KAZN: variants seen among roughly 807,000 people sequenced by gnomAD.
The protein encoded by KAZN is kazrin, periplakin interacting protein, also known as kazrin.
Under a neutral mutation model 87.4 loss-of-function variants are expected in KAZN, and 40 were observed. That is an observed-to-expected ratio of 0.46 (90% CI 0.36 to 0.60). The LOEUF (loss-of-function observed/expected upper bound fraction) is 0.60, where lower values mean the gene tolerates loss of function less well. Among genes scored for constraint, KAZN ranks in the 20% least tolerant of loss-of-function variants. The probability of loss-of-function intolerance (pLI) is 0.00; values close to 1 mark genes in which losing one functional copy is unlikely to be tolerated. For synonymous variants in KAZN, 466 were observed against 458.3 expected (o/e 1.02, Z -0.22); for missense variants, 898 against 1,073.9 (o/e 0.84, Z 2.29).
intron 2 of KAZN, among the ~76,000 whole-genome samples, chr1:14,289,637 T>G (rs1018091022): frequency 3.9e-5 from 6 of 152,212 alleles, no homozygotes; most frequent in African/African-American, 1.2e-4. Context: ...TTTATCCAAC[T>G]TGCCAGTCTG....
At chr1:14,318,332 C>T (rs992949383) in intron 2 of KAZN, among the ~76,000 whole-genome samples, 16 of 152,088 alleles carry the variant, frequency 1.1e-4, no homozygotes, top group African/African-American at 3.9e-4. Context: ...CTCTAGAATG[C>T]TATGTTAACT....
At chr1:15,045,256 T>C (rs537099703) in intron 4 of KAZN, among the ~76,000 whole-genome samples, 2 of 152,336 alleles carry the variant, frequency 1.3e-5, no homozygotes, top group East Asian at 3.9e-4. Flanking sequence ...AGAGGATTTG[T>C]CGTCCTGCAG....
At chr1:14,511,045 A>G (rs1267079176) in intron 2 of KAZN, among the ~76,000 whole-genome samples, 1 of 151,544 alleles carries the variant, frequency 6.6e-6, no homozygotes, top group Non-Finnish European at 1.5e-5. Context: ...TGTAACCTTC[A>G]CCAATACTGT....
intron 2 of KAZN, among the ~76,000 whole-genome samples, chr1:14,968,134 C>T (rs1041644242): frequency 6.6e-5 from 10 of 151,832 alleles, no homozygotes; most frequent in African/African-American, 2.4e-4. Context: ...CAGTGGGAGA[C>T]CTGAGCTTGT....
rs189180776 is a variant in KAZN, at chr1:14,544,118, G to A, written c.250-54865G>A. 1.6e-4 allele frequency among the ~76,000 whole-genome samples: 24 copies of A among 152,150 alleles called. No homozygotes were observed. The East Asian group carries it at 4.6e-3, about 29-fold the overall frequency. On this transcript the variant is annotated intron_variant, in intron 2 of 16. Transcript: ENST00000636203. ...CAAAACCTTTCACAAAGCACCAATTGAAATCAGAAATTTAAAGAAAAATCT... is the reference window on the plus strand; with the variant it reads ...CAAAACCTTTCACAAAGCACCAATTAAAATCAGAAATTTAAAGAAAAATCT...
chr1:14,131,021 G>T (rs2101733729), intron 1 of KAZN, among the ~76,000 whole-genome samples: 1 of 152,302 alleles, frequency 6.6e-6, no homozygotes, highest in East Asian at 1.9e-4. Flanking sequence ...GGCTGTACAG[G>T]TTTCTGCTTC....
intron 1 of KAZN, among the ~76,000 whole-genome samples, chr1:14,801,948 T>G (rs529310198): frequency 1.3e-5 from 2 of 152,140 alleles, no homozygotes; most frequent in East Asian, 3.9e-4. Context: ...CCTTCCAAAG[T>G]GCTGGGATTA....
chr1:14,430,627 T>C (rs1418697079), intron 2 of KAZN, among the ~76,000 whole-genome samples: 1 of 152,184 alleles, frequency 6.6e-6, no homozygotes, highest in Non-Finnish European at 1.5e-5. Context: ...TTTCTGGGGC[T>C]TATAGCTGGG....
At chr1:14,942,159 G>A (rs10754873) in intron 1 of KAZN, among the ~76,000 whole-genome samples, 23,774 of 152,128 alleles carry the variant, frequency 0.16, 1,982 homozygotes, top group Admixed American at 0.24. Flanking sequence ...CACAAGCTGC[G>A]GTGTTTATGT....
In KAZN at chr1:14,735,995, A is replaced by T. The variant is rs1010510313; in HGVS notation, c.226+136772A>T. Among the ~76,000 whole-genome samples the T allele has an allele frequency of 2.0e-5, 3 of 152,144 alleles. No individual in the cohort carries two copies. Among genetic ancestry groups the T allele is most frequent in the Non-Finnish European group, 4.4e-5 (3 of 68,018 alleles). On this transcript the variant is annotated intron_variant, in intron 1 of 14. Coordinates refer to ENST00000376030, the MANE Select transcript of KAZN (RefSeq NM_201628.3). The surrounding 1 kb of genome is among the most constrained non-coding windows in gnomAD (Gnocchi z 4.3). The stretch of plus-strand genomic sequence containing the variant: ...CTCCAACAAATAAGTGTTATGGGAC[A>T]TCTGGTGGAAATGCACCCTAGAGAT...
intron 2 of KAZN, among the ~76,000 whole-genome samples, chr1:14,469,180 T>A (rs56005206): frequency 6.6e-6 from 1 of 152,070 alleles, no homozygotes; most frequent in African/African-American, 2.4e-5. Context: ...AAAGGTGGGG[T>A]GCTACAACCA....
chr1:14,421,946 A>G (rs1665456629), intron 2 of KAZN, among the ~76,000 whole-genome samples: 1 of 152,150 alleles, frequency 6.6e-6, no homozygotes, highest in Admixed American at 6.5e-5. Context: ...AAAGTAACAA[A>G]TATATCCAAC....
At chr1:14,612,305 C>T (rs759360070) in intron 1 of KAZN, among the ~76,000 whole-genome samples, 72 of 152,146 alleles carry the variant, frequency 4.7e-4, no homozygotes, top group African/African-American at 1.7e-3. Flanking sequence ...TCCCAAGACC[C>T]GCGCTCTAAC....
At chr1:14,600,183 G>A (rs985263595) in intron 1 of KAZN, among the ~76,000 whole-genome samples, 3 of 152,030 alleles carry the variant, frequency 2.0e-5, no homozygotes, top group African/African-American at 7.3e-5. Flanking sequence ...AAATTAAACT[G>A]CTGAAATCCA....
chr1:13,961,661 T>C (rs750866995), intron 1 of KAZN, among the ~76,000 whole-genome samples: 14 of 152,150 alleles, frequency 9.2e-5, no homozygotes, highest in South Asian at 2.1e-4. Flanking sequence ...CAGGGTGACA[T>C]TGAAGTAACA....
chr1:14,736,031 G>A (rs566081139), intron 1 of KAZN, among the ~76,000 whole-genome samples: 7 of 152,284 alleles, frequency 4.6e-5, no homozygotes, highest in African/African-American at 1.4e-4. Flanking sequence ...AAGACAGGCC[G>A]TCGGTCCACC....
At chr1:14,708,324 G>A (rs532510404) in intron 1 of KAZN, among the ~76,000 whole-genome samples, 1 of 152,298 alleles carries the variant, frequency 6.6e-6, no homozygotes, top group African/African-American at 2.4e-5. Context: ...GTGATTAACA[G>A]GAACAAGTGA....
intron 2 of KAZN, among the ~76,000 whole-genome samples, chr1:14,466,782 C>T (rs1302895729): frequency 6.6e-6 from 1 of 151,814 alleles, no homozygotes; most frequent in Admixed American, 6.6e-5. Context: ...TCCTGGCTAA[C>T]ACGGTGAAAC....
At chr1:14,114,906 A>G (rs1218073700) in intron 1 of KAZN, among the ~76,000 whole-genome samples, 3 of 152,202 alleles carry the variant, frequency 2.0e-5, no homozygotes, top group Non-Finnish European at 4.4e-5. Context: ...ACATTTTCCC[A>G]GAGAGGGTAA....
Sources: allele counts gnomAD v4.1 joint callset (sites outside exome capture counted in the v4.1 genomes callset), GRCh38; gene constraint gnomAD v4.1.1; non-coding constraint Gnocchi (gnomAD v3.1); transcripts MANE v1.5; gene names NCBI Gene and HGNC (gene_info 2026-07-23, HGNC 2026-07-21).